TALDO1: variants seen among roughly 807,000 people sequenced by gnomAD.
TALDO1 encodes the protein transaldolase 1.
TALDO1 carries 29 observed loss-of-function variants against 38.1 expected under a neutral mutation model. That is an observed-to-expected ratio of 0.76 (90% CI 0.57 to 1.04). The LOEUF (loss-of-function observed/expected upper bound fraction) is 1.04. TALDO1 is among the 50% of genes least tolerant of loss of function. The probability of loss-of-function intolerance (pLI) is 0.00; values close to 1 mark genes in which losing one functional copy is unlikely to be tolerated. For synonymous variants in TALDO1, 207 were observed against 176.8 expected, an observed-to-expected ratio of 1.17 and a Z score of -1.36; for missense variants, 499 against 438.1, an observed-to-expected ratio of 1.14 and a Z score of -1.24.
intron 6 of TALDO1, 150 bp downstream of exon 6, chr11:764,094 T>A: frequency 7.5e-7 from 1 of 1,339,318 alleles, no homozygotes; most frequent in East Asian, 2.4e-5. Context: ...GGGCTTGGCT[T>A]TCCTAACACA....
In TALDO1 at chr11:763,419, C is replaced by T. The variant is rs779192994; in HGVS notation, c.537C>T (p.Ala179=). 11 of 1,613,398 alleles carry T rather than the reference C, an allele frequency of 6.8e-6. No individual in the cohort carries two copies. The highest frequency in any genetic ancestry group is 1.6e-4 in the Middle Eastern group (1 of 6,062). The change falls in exon 5 of 8, where the codon GCC becomes GCT. Residue 179 remains alanine (A), a synonymous_variant. Transcript: ENST00000319006. Reference sequence around the variant, plus strand: ...CCTTCGCCCAGGCTGTGGCCTGTGCCGAGGCGGGTGTGACCCTCATCTCCC... The same window carrying T: ...CCTTCGCCCAGGCTGTGGCCTGTGCTGAGGCGGGTGTGACCCTCATCTCCC... ...LFSFAQAVAC[A]EAGVTLISPF...
intron 1 of TALDO1, among the ~76,000 whole-genome samples, chr11:753,253 C>T (rs1225867985): frequency 6.6e-6 from 1 of 151,886 alleles, no homozygotes; most frequent in African/African-American, 2.4e-5. Context: ...AAAAAAAGGC[C>T]GGGTGTGGTG....
chr11:763,624 A>G (rs573847216), intron 5 of TALDO1, 105 bp downstream of exon 5: 183 of 1,576,228 alleles, frequency 1.2e-4, no homozygotes, highest in Non-Finnish European at 1.5e-4. Flanking sequence ...AGTGAGGTGC[A>G]CAGGTCGGCG....
Position 763,773 on chromosome 11 carries a change from A to C in TALDO1, c.664A>C (p.Asn222His). The change falls in exon 6 of 8, where the codon AAC becomes CAC. Residue 222 changes from asparagine (N) to histidine (H), a missense_variant. Coordinates refer to ENST00000319006, the MANE Select transcript of TALDO1 (RefSeq NM_006755.2). The part of the protein sequence containing the change: ...PGVKSVTKIY[N>H]YYKKFSYKTI... ...GGTAAAGAGTGTCACTAAAATCTAC[A>C]ACTACTACAAGAAGTTTAGCTACAA... 1.2e-6 allele frequency: 2 copies of C among 1,614,010 alleles called. No homozygotes were observed. The highest frequency in any genetic ancestry group is 1.7e-6 in the Non-Finnish European group (2 of 1,180,008).
chr11:747,475 T>G lies in TALDO1; in HGVS notation c.-7T>G. The G allele has an allele frequency of 1.3e-6, 2 of 1,587,054 alleles. No homozygotes were observed. Among genetic ancestry groups the G allele is most frequent in the Non-Finnish European group, 1.7e-6 (2 of 1,169,316 alleles). ...GCCGCCGCCGCCGCAGACCCCTCGG[T>G]CTTGCTATGTCGAGCTCACCCGTGA... is the stretch of plus-strand genomic sequence containing the variant. On this transcript the variant is annotated 5_prime_UTR_variant, in exon 1 of 8. Coordinates refer to ENST00000319006, the MANE Select transcript of TALDO1 (RefSeq NM_006755.2).
chr11:759,869 G>A (rs1452587062), intron 3 of TALDO1, among the ~76,000 whole-genome samples: 10 of 152,160 alleles, frequency 6.6e-5, no homozygotes, highest in Admixed American at 5.2e-4. Flanking sequence ...CGTGAGCCAC[G>A]GCACCTGGCC....
rs568217424 is a variant in TALDO1, at chr11:754,077, C to T, written c.98-1802C>T. Among the ~76,000 whole-genome samples the T allele has an allele frequency of 5.3e-5, 8 of 151,634 alleles. No homozygotes were observed. The East Asian group carries it at 1.6e-3, about 30-fold the overall frequency. Reference sequence around the variant, plus strand: ...TCGGCTCACTGCAACCTCCACCTCCCGGGTCCAAGTGATTTTCCTGCCACA... The same window carrying T: ...TCGGCTCACTGCAACCTCCACCTCCTGGGTCCAAGTGATTTTCCTGCCACA... On this transcript the variant is annotated intron_variant, in intron 1 of 7. Coordinates refer to ENST00000319006, the MANE Select transcript of TALDO1 (RefSeq NM_006755.2).
rs377624060 is a variant in TALDO1, at chr11:761,907, C to T, written c.462-1437C>T. Among the ~76,000 whole-genome samples, 46 of 152,324 alleles carry T rather than the reference C, an allele frequency of 3.0e-4. No individual in the cohort carries two copies. The South Asian group carries it at 9.3e-3, about 31-fold the overall frequency. On this transcript the variant is annotated intron_variant, in intron 4 of 7. Coordinates refer to ENST00000319006, the MANE Select transcript of TALDO1 (RefSeq NM_006755.2). ...TCAAGAGATCTCTACCCATCTTGGC[C>T]TCCCAAAGTGCTGGGATTATAGGCA...
intron 4 of TALDO1, among the ~76,000 whole-genome samples, chr11:761,465 A>C (rs1025955994): frequency 2.6e-5 from 4 of 152,034 alleles, no homozygotes; most frequent in Non-Finnish European, 5.9e-5. Context: ...GTACCACTGC[A>C]CTCCAGCCTG....
At chr11:764,251 A>G (rs1200192084) in intron 6 of TALDO1, 37 bp from the exon 7 acceptor site, 3 of 1,613,848 alleles carry the variant, frequency 1.9e-6, no homozygotes, top group Non-Finnish European at 8.5e-7. Flanking sequence ...GGGCAGGGAC[A>G]TGGAGCAGGC....
At chr11:764,111 T>C (rs1863007914) in intron 6 of TALDO1, 167 bp downstream of exon 6, 1 of 1,362,256 alleles carries the variant, frequency 7.3e-7, no homozygotes, top group Non-Finnish European at 1.0e-6. Context: ...CACATCTCAC[T>C]CAAGTCATCA....
intron 3 of TALDO1, among the ~76,000 whole-genome samples, chr11:759,749 T>G (rs1255360169): frequency 6.6e-6 from 1 of 152,138 alleles, no homozygotes; most frequent in Non-Finnish European, 1.5e-5. Flanking sequence ...CCAGCTAATT[T>G]TTTTGTATTT....
chr11:756,170 G>A (rs1862835579), intron 2 of TALDO1, 168 bp downstream of exon 2: 8 of 957,908 alleles, frequency 8.4e-6, no homozygotes, highest in African/African-American at 1.6e-5. Context: ...TCTGCATGAA[G>A]TAACCTGCAC....
Position 764,824 on chromosome 11 carries a change from C to T in TALDO1, c.993C>T (p.Phe331=). ...CTGTTTGTTTCTAGGAACGAATGTT[C>T]AATGCAGAGAATGGAAAGTAGCGCA... ...KLERMLTERM[F]NAENGK The change falls in exon 8 of 8, where the codon TTC becomes TTT. Residue 331 remains phenylalanine (F), a synonymous_variant. Transcript: ENST00000319006. 6.2e-7 allele frequency: 1 copy of T among 1,614,136 alleles called. No individual in the cohort carries two copies.
At position 763,689 on chromosome 11, in the gene TALDO1, G is replaced by T. The variant is rs544064074; in HGVS notation, c.638-58G>T. The T allele has an allele frequency of 5.6e-5, 89 of 1,596,898 alleles. No homozygotes were observed. In the African/African-American group the frequency reaches 1.2e-3, roughly 21 times the overall value. ...AGTGCAGCCGGCAGGCACTGGGAGG[G>T]CAGGTGGGGTGGTACCTCTGCCGAA... is the stretch of plus-strand genomic sequence containing the variant. On this transcript the variant is annotated intron_variant, in intron 5 of 7. Transcript: ENST00000319006.
intron 4 of TALDO1, 136 bp from the exon 5 acceptor site, chr11:763,208 C>CT (rs57648473): frequency 4.3e-5 from 8 of 187,154 alleles, no homozygotes; most frequent in African/African-American, 1.4e-4. Context: ...TCACCTGCCC[C>CT]GCCCTCACCT....
chr11:748,860 G>A (rs957778564), intron 1 of TALDO1, among the ~76,000 whole-genome samples: 1 of 152,168 alleles, frequency 6.6e-6, no homozygotes, highest in African/African-American at 2.4e-5. Flanking sequence ...CAGAAAAGGG[G>A]CTACACATTT....
chr11:762,311 G>A (rs1274315029), intron 4 of TALDO1, among the ~76,000 whole-genome samples: 1 of 152,142 alleles, frequency 6.6e-6, no homozygotes. Context: ...TTATGGATAG[G>A]CCACAGTTAT....
intron 1 of TALDO1, among the ~76,000 whole-genome samples, chr11:749,775 A>G (rs564356037): frequency 6.6e-6 from 1 of 152,234 alleles, no homozygotes; most frequent in Non-Finnish European, 1.5e-5. Flanking sequence ...ATTTTACAGG[A>G]CGAAATGGGC....
Sources: gnomAD v4.1 joint callset for allele counts (sites outside exome capture counted in the v4.1 genomes callset) on GRCh38, gnomAD v4.1.1 for gene constraint, MANE v1.5 for transcripts, NCBI Gene and HGNC (gene_info 2026-07-23, HGNC 2026-07-21) for gene names.